Variants in LIMCH1 observed in about 807,000 individuals in gnomAD.
LIMCH1 encodes the protein LIM and calponin homology domains 1.
In LIMCH1, 113 loss-of-function variants were observed where a neutral mutation model predicts 176.5. The observed-to-expected ratio is 0.64, with a 90% CI of 0.55 to 0.75. LIMCH1 has a LOEUF of 0.75. Among genes scored for constraint, LIMCH1 ranks in the 30% least tolerant of loss-of-function variants. The pLI is 0.00. For missense variants in LIMCH1, 1,674 were observed against 1,814.9 expected (o/e 0.92, Z 1.41); for synonymous variants, 619 against 645.9 (o/e 0.96, Z 0.63).
intron 25 of LIMCH1, among the ~76,000 whole-genome samples, chr4:41,681,450 T>C (rs1427877890): frequency 2.0e-5 from 3 of 152,158 alleles, no homozygotes; most frequent in Non-Finnish European, 2.9e-5. Context: ...TACATTCTTT[T>C]CCATTGTTTG....
At position 41,631,347 on chromosome 4, in the gene LIMCH1, G is replaced by C; in HGVS notation, c.1471G>C (p.Gly491Arg). ...GAAGCGGCTTAGCATTGGCAAGGCT[G>C]GGCCTAGAGAGGATGAAGAAGAAGT... ...KWKRLSIGKA[G>R]PREDEEEVIC... The change falls in exon 10 of 32, where the codon GGG (glycine) becomes CGG (arginine). Residue 491 changes from glycine to arginine, a missense_variant. By Grantham distance (125) the Gly-to-Arg change is moderately radical. This residue lies in a region of LIMCH1 where 655 missense variants were observed against 692.2 expected (regional missense o/e 0.95). Transcript: ENST00000503057. 6.5e-7 allele frequency: 1 copy of C among 1,536,234 alleles called. No homozygotes were observed. The highest frequency in any genetic ancestry group is 8.7e-7 in the Non-Finnish European group (1 of 1,146,932).
intron 13 of LIMCH1, among the ~76,000 whole-genome samples, chr4:41,635,563 A>T (rs1562017222): frequency 2.0e-5 from 3 of 152,100 alleles, no homozygotes; most frequent in Non-Finnish European, 4.4e-5. Context: ...ATTCCTCTTT[A>T]TTTTCACATG....
At chr4:41,675,462 C>G (rs987148699) in intron 22 of LIMCH1, among the ~76,000 whole-genome samples, 1 of 148,156 alleles carries the variant, frequency 6.7e-6, no homozygotes, top group African/African-American at 2.5e-5. Context: ...CCCACCCGTG[C>G]CTTGCTTTTT....
At chr4:41,685,347 GT>G (rs1399907942) in intron 27 of LIMCH1, among the ~76,000 whole-genome samples, 1 of 152,182 alleles carries the variant, frequency 6.6e-6, no homozygotes, top group Non-Finnish European at 1.5e-5. Context: ...ATCACAGTTG[GT>G]GTGATCCATG....
intron 28 of LIMCH1, among the ~76,000 whole-genome samples, chr4:41,686,109 G>A (rs1485222993): frequency 2.6e-5 from 4 of 152,148 alleles, no homozygotes; most frequent in Non-Finnish European, 5.9e-5. Flanking sequence ...GGCCTGTTGT[G>A]TTTGTAATTC....
rs145705049 is a variant in LIMCH1, at chr4:41,613,033, A to C, written c.10-433A>C. The C allele has an allele frequency of 1.3e-3, 2,017 of 1,552,074 alleles. 34 individuals carry two copies. The African/African-American group carries it at 0.024, about 19-fold the overall frequency. Reference sequence around the variant, plus strand: ...TAGTATAAACAGGAGCAAAAGTTGCACAGCTAAACCAGGGGCTCATTCCCA... The same window carrying C: ...TAGTATAAACAGGAGCAAAAGTTGCCCAGCTAAACCAGGGGCTCATTCCCA... On this transcript the variant is annotated intron_variant, in intron 4 of 31. Transcript: ENST00000503057.
At chr4:41,455,982 T>G (rs779018535) in intron 1 of LIMCH1, among the ~76,000 whole-genome samples, 3 of 152,244 alleles carry the variant, frequency 2.0e-5, no homozygotes, top group Non-Finnish European at 4.4e-5. Flanking sequence ...CAACATTCTT[T>G]TATTTCCAAT....
chr4:41,550,306 C>A (rs1185984969), intron 1 of LIMCH1, among the ~76,000 whole-genome samples: 1 of 151,094 alleles, frequency 6.6e-6, no homozygotes, highest in African/African-American at 2.4e-5. Flanking sequence ...GGCAGGTGAT[C>A]AATTAATACC....
At chr4:41,643,709 A>G (rs1451169259) in intron 14 of LIMCH1, among the ~76,000 whole-genome samples, 2 of 152,354 alleles carry the variant, frequency 1.3e-5, no homozygotes, top group Non-Finnish European at 1.5e-5. Context: ...AGTTATCCTG[A>G]CAAAAATTAA....
intron 1 of LIMCH1, among the ~76,000 whole-genome samples, chr4:41,472,796 G>C (rs2067172463): frequency 6.6e-6 from 1 of 152,138 alleles, no homozygotes; most frequent in Non-Finnish European, 1.5e-5. Context: ...CCCCTCTGGA[G>C]AATCTCATTA....
At chr4:41,423,047 C>T (rs111299808) in intron 1 of LIMCH1, among the ~76,000 whole-genome samples, 1,575 of 152,242 alleles carry the variant, frequency 0.01, 34 homozygotes, top group African/African-American at 0.035. Context: ...TGTGAGCCAC[C>T]GTACCCAGCC....
intron 31 of LIMCH1, chr4:41,692,780 G>A (rs1420227280): frequency 2.0e-4 from 34 of 167,806 alleles, no homozygotes; most frequent in African/African-American, 8.7e-4. Context: ...TTCTCAGATC[G>A]AGCACCAACT....
At chr4:41,603,823 A>C in intron 2 of LIMCH1, 52 bp from the exon 3 acceptor site, 1 of 1,331,166 alleles carries the variant, frequency 7.5e-7, no homozygotes, top group African/African-American at 1.4e-5. Context: ...GAAAGGTCAC[A>C]ATTTAGAATC....
intron 1 of LIMCH1, among the ~76,000 whole-genome samples, chr4:41,576,731 T>G (rs2084534171): frequency 6.6e-6 from 1 of 152,210 alleles, no homozygotes; most frequent in South Asian, 2.1e-4. Flanking sequence ...TTTAGCCTAA[T>G]TTGAGTGTAG....
intron 7 of LIMCH1, among the ~76,000 whole-genome samples, chr4:41,625,943 TC>T (rs1218372236): frequency 6.6e-6 from 1 of 151,960 alleles, no homozygotes; most frequent in Admixed American, 6.6e-5. Context: ...GAAGATCTGC[TC>T]CCAAATTAGG....
In LIMCH1 at chr4:41,619,318, G is replaced by A. The variant is rs369870861; in HGVS notation, c.336G>A (p.Pro112=). The A allele has an allele frequency of 3.1e-6, 5 of 1,614,014 alleles. No homozygotes were observed. The highest frequency in any genetic ancestry group is 1.1e-5 in the South Asian group (1 of 91,082). ...KSAVPFNQYL[P]NKSNQTAYVP... ...CAGTGCCTTTTAACCAGTACCTCCC[G>A]AACAAAAGCAATCAGACGGCCTACG... Residue 112 remains proline, a synonymous_variant, in exon 6 of 32, where the codon CCG becomes CCA. Coordinates refer to ENST00000503057, the MANE Select transcript of LIMCH1 (RefSeq NM_001330672.2).
intron 13 of LIMCH1, among the ~76,000 whole-genome samples, chr4:41,638,398 G>T (rs977219190): frequency 1.3e-5 from 2 of 152,154 alleles, no homozygotes; most frequent in Non-Finnish European, 2.9e-5. Context: ...ACTGATTGGG[G>T]TTCTGGTTGG....
chr4:41,691,681 T>G (rs1309336118), intron 30 of LIMCH1, among the ~76,000 whole-genome samples: 1 of 151,984 alleles, frequency 6.6e-6, no homozygotes, highest in Non-Finnish European at 1.5e-5. Flanking sequence ...GAGAATTGCT[T>G]GAGCCCAGGA....
chr4:41,410,322 C>A (rs1401455016), intron 1 of LIMCH1, among the ~76,000 whole-genome samples: 1 of 152,174 alleles, frequency 6.6e-6, no homozygotes, highest in African/African-American at 2.4e-5. Context: ...TTGGATTCTG[C>A]TCATTTCTGT....
Sources: allele counts gnomAD v4.1 joint callset (sites outside exome capture counted in the v4.1 genomes callset), GRCh38; gene constraint gnomAD v4.1.1; regional missense constraint gnomAD v4.1.1; transcripts MANE v1.5; gene names NCBI Gene and HGNC (gene_info 2026-07-23, HGNC 2026-07-21).